ARAP2: variants seen among roughly 807,000 people sequenced by gnomAD.
ARAP2 encodes the protein arf-GAP with Rho-GAP domain, ANK repeat and PH domain-containing protein 2.
Under a neutral mutation model 194.5 loss-of-function variants are expected in ARAP2, and 148 were observed. The observed-to-expected ratio is 0.76, with a 90% CI of 0.67 to 0.87. ARAP2 has a LOEUF of 0.87. Ranked by LOEUF, ARAP2 falls within the 40% of genes least tolerant of loss-of-function variation. The probability of loss-of-function intolerance (pLI) is 0.00; values close to 1 mark genes in which losing one functional copy is unlikely to be tolerated. For synonymous variants in ARAP2, 695 were observed against 683.5 expected, an observed-to-expected ratio of 1.02 and a Z score of -0.26; for missense variants, 2,128 against 1,989.7, an observed-to-expected ratio of 1.07 and a Z score of -1.32.
At chr4:36,053,900 G>T (rs7692336) in intron 2 of ARAP2, among the ~76,000 whole-genome samples, 54,304 of 151,738 alleles carry the variant, frequency 0.36, 10,043 homozygotes, top group Non-Finnish European at 0.4. Flanking sequence ...TTGCTAAGTA[G>T]CTCAATACCA....
intron 4 of ARAP2, among the ~76,000 whole-genome samples, chr4:36,046,489 TATAGGTGCAGTGAGCCACTGC>T: frequency 6.6e-6 from 1 of 152,146 alleles, no homozygotes; most frequent in African/African-American, 2.4e-5. Flanking sequence ...GCACCTGGCC[TATAGGTGCAGTGAGCCACTGC>T]ACCTGGCATA....
intron 15 of ARAP2, among the ~76,000 whole-genome samples, chr4:36,157,095 T>G (rs1209853024): frequency 1.3e-5 from 2 of 152,060 alleles, no homozygotes; most frequent in African/African-American, 2.4e-5. Context: ...AAAAATAAAA[T>G]AAAGCTTATT....
intron 5 of ARAP2, among the ~76,000 whole-genome samples, chr4:36,043,399 T>C (rs1721200615): frequency 6.6e-6 from 1 of 152,194 alleles, no homozygotes; most frequent in Admixed American, 6.5e-5. Context: ...AAAATTGCCC[T>C]GTCTATGTCT....
At chr4:36,201,551 C>T (rs1744366306) in intron 6 of ARAP2, among the ~76,000 whole-genome samples, 1 of 152,156 alleles carries the variant, frequency 6.6e-6, no homozygotes, top group Non-Finnish European at 1.5e-5. Flanking sequence ...TAGACTTGTG[C>T]AGTATTATTG....
At chr4:36,029,337 T>C (rs1018801605) in intron 5 of ARAP2, among the ~76,000 whole-genome samples, 3 of 152,022 alleles carry the variant, frequency 2.0e-5, no homozygotes, top group African/African-American at 7.2e-5. Flanking sequence ...TTTTGGCCTA[T>C]AATATTTTAA....
intron 19 of ARAP2, among the ~76,000 whole-genome samples, chr4:36,141,587 T>C (rs924076113): frequency 1.3e-5 from 2 of 151,730 alleles, no homozygotes; most frequent in African/African-American, 4.8e-5. Flanking sequence ...TTTATGAACA[T>C]TTCCAGTTTA....
intron 3 of ARAP2, among the ~76,000 whole-genome samples, chr4:36,048,733 G>A (rs2109244635): frequency 6.6e-6 from 1 of 152,174 alleles, no homozygotes; most frequent in African/African-American, 2.4e-5. Flanking sequence ...CCAGCAATGG[G>A]ATTACTGGGT....
At chr4:36,208,348 G>A (rs749062958) in intron 6 of ARAP2, among the ~76,000 whole-genome samples, 9 of 152,100 alleles carry the variant, frequency 5.9e-5, no homozygotes, top group Non-Finnish European at 1.3e-4. Flanking sequence ...CTCATTCATC[G>A]GCTTACGTAT....
rs1195728322 is a variant in ARAP2 at position 36,066,321 on chromosome 4, T to C, written c.*1586A>G. 1 of 152,182 alleles carries C rather than the reference T, an allele frequency of 6.6e-6. No individual in the cohort carries two copies. Among genetic ancestry groups the C allele is most frequent in the Non-Finnish European group, 1.5e-5 (1 of 68,026 alleles). 9.4% of individuals were successfully genotyped at this position (152,182 alleles called of 1,614,324 possible). ...CATGATTTCTTGCTTTAAAGGAAGA[T>C]TCCCTAATAGTGCCACCTATTTCAT... is the stretch of plus-strand genomic sequence containing the variant. On this transcript the variant is annotated 3_prime_UTR_variant, in exon 33 of 33. Coordinates refer to ENST00000303965, the MANE Select transcript of ARAP2 (RefSeq NM_015230.4).
intron 20 of ARAP2, among the ~76,000 whole-genome samples, chr4:36,131,250 A>T (rs1447306348): frequency 6.6e-6 from 1 of 151,418 alleles, no homozygotes; most frequent in Non-Finnish European, 1.5e-5. Context: ...TAAACATACT[A>T]TCATAGCAGG....
chr4:36,077,938 C>T (rs925085707), intron 31 of ARAP2, among the ~76,000 whole-genome samples: 4 of 152,120 alleles, frequency 2.6e-5, no homozygotes, highest in African/African-American at 9.7e-5. Flanking sequence ...TCAGACTGGT[C>T]TCAGGTCACC....
In ARAP2 at chr4:36,172,539, T is replaced by A. The variant is rs553119534; in HGVS notation, c.1857+5288A>T. On this transcript the variant is annotated intron_variant, in intron 9 of 32. Transcript: ENST00000303965. ...TCCATATTAAACATTCGGATAAAAT[T>A]AATGGTAAATATTTACCAAGATACT... Among the ~76,000 whole-genome samples, 240 of 152,248 alleles carry A rather than the reference T, an allele frequency of 1.6e-3. 2 individuals are homozygous for A. The highest frequency in any genetic ancestry group is 5.6e-3 in the South Asian group (27 of 4,828).
At chr4:36,111,113 C>G (rs1719871764) in intron 26 of ARAP2, among the ~76,000 whole-genome samples, 1 of 151,896 alleles carries the variant, frequency 6.6e-6, no homozygotes, top group African/African-American at 2.4e-5. Context: ...TACTTAAAAT[C>G]TAGCATTCTG....
Position 36,228,503 on chromosome 4 carries a change from C to G in ARAP2, c.905+79G>C, listed in dbSNP as rs1578353344. 9.3e-6 allele frequency: 13 copies of G among 1,401,400 alleles called. No homozygotes were observed. The East Asian group carries it at 3.0e-4, about 33-fold the overall frequency. The allele number at this position is 1,401,400 out of a possible 1,614,324, so 86.8% of individuals were successfully genotyped here. On this transcript the variant is annotated intron_variant, in intron 2 of 32. Coordinates refer to ENST00000303965, the MANE Select transcript of ARAP2 (RefSeq NM_015230.4). ...GAATACAGTCAAATTTAGATAGGAA[C>G]ACTGAAAATATAACTGTTAAAAAAA...
intron 2 of ARAP2, among the ~76,000 whole-genome samples, chr4:36,225,157 C>T (rs756624709): frequency 6.6e-6 from 1 of 152,154 alleles, no homozygotes; most frequent in Admixed American, 6.6e-5. Context: ...ACTTCCACAA[C>T]AGTGCAGCTT....
chr4:36,158,895 A>C (rs774017819), intron 14 of ARAP2, 31 bp from the exon 15 acceptor site: 4 of 1,561,700 alleles, frequency 2.6e-6, no homozygotes, highest in East Asian at 2.3e-5. Context: ...AGGCACAAGA[A>C]ATCTAAAATG....
chr4:36,019,087 T>C (rs1278296830), intron 6 of ARAP2: 1 of 149,686 alleles, frequency 6.7e-6, no homozygotes, highest in Non-Finnish European at 1.5e-5. Context: ...AGATTTAATA[T>C]ACTTTGCATA....
chr4:36,102,219 C>T (rs1018549644), intron 27 of ARAP2, among the ~76,000 whole-genome samples: 4 of 151,940 alleles, frequency 2.6e-5, no homozygotes, highest in Non-Finnish European at 4.4e-5. Context: ...AAGCTCAGCA[C>T]GTCCAAAACT....
intron 26 of ARAP2, among the ~76,000 whole-genome samples, chr4:36,108,958 G>C (rs16991938): frequency 6.6e-6 from 1 of 151,926 alleles, no homozygotes; most frequent in African/African-American, 2.4e-5. Flanking sequence ...TACCACCTGA[G>C]CTTTTTGTTT....
Sources: gnomAD v4.1 joint callset for allele counts (sites outside exome capture counted in the v4.1 genomes callset) on GRCh38, gnomAD v4.1.1 for gene constraint, MANE v1.5 for transcripts, NCBI Gene and HGNC (gene_info 2026-07-23, HGNC 2026-07-21) for gene names.